DSCAML1: variants seen among roughly 807,000 people sequenced by gnomAD.
DSCAML1 encodes DS cell adhesion molecule like 1.
In DSCAML1, 38 loss-of-function variants were observed where a neutral mutation model predicts 200.5. The ratio of observed to expected loss-of-function variants is 0.19; its 90% CI spans 0.15 to 0.25. The LOEUF is 0.25. Among genes scored for constraint, DSCAML1 ranks in the 10% least tolerant of loss-of-function variants. The probability of loss-of-function intolerance (pLI) is 1.00; values close to 1 mark genes in which losing one functional copy is unlikely to be tolerated. For synonymous variants in DSCAML1, 1,215 were observed against 1,165.0 expected (o/e 1.04, Z -0.87); for missense variants, 2,223 against 2,858.8 (o/e 0.78, Z 5.07).
intron 3 of DSCAML1, among the ~76,000 whole-genome samples, chr11:117,711,029 T>C (rs902766061): frequency 3.9e-5 from 6 of 152,218 alleles, no homozygotes; most frequent in African/African-American, 1.4e-4. Context: ...GCAGTGCCAG[T>C]AACTCAGGCT....
chr11:117,650,412 A>AAATG (rs369113397), intron 3 of DSCAML1, among the ~76,000 whole-genome samples: 5,091 of 152,152 alleles, frequency 0.033, 296 homozygotes, highest in African/African-American at 0.12. Context: ...TTAGTTGAAG[A>AAATG]AATGAATGAA....
At chr11:117,623,802 C>T (rs533086119) in intron 3 of DSCAML1, among the ~76,000 whole-genome samples, 9 of 152,266 alleles carry the variant, frequency 5.9e-5, no homozygotes, top group South Asian at 4.2e-4. Flanking sequence ...TCCCAATAGA[C>T]GAGGTAGCCC....
At chr11:117,536,877 G>C (rs2050181392) in intron 3 of DSCAML1, among the ~76,000 whole-genome samples, 1 of 152,040 alleles carries the variant, frequency 6.6e-6, no homozygotes, top group Non-Finnish European at 1.5e-5. Flanking sequence ...TCTCGAGCAG[G>C]ACTCTACTTT....
intron 3 of DSCAML1, among the ~76,000 whole-genome samples, chr11:117,616,608 C>T (rs2051815743): frequency 6.6e-6 from 1 of 152,202 alleles, no homozygotes; most frequent in Non-Finnish European, 1.5e-5. Context: ...AAAAAGTATA[C>T]TTTGCATAAT....
chr11:117,802,447 G>A (rs1025472958), intron 1 of DSCAML1, among the ~76,000 whole-genome samples: 3 of 152,160 alleles, frequency 2.0e-5, no homozygotes, highest in African/African-American at 4.8e-5. Flanking sequence ...GGTGCCTCCT[G>A]GCTCTAGGGG....
intron 1 of DSCAML1, among the ~76,000 whole-genome samples, chr11:117,813,209 A>G (rs914021109): frequency 6.6e-6 from 1 of 152,220 alleles, no homozygotes; most frequent in Non-Finnish European, 1.5e-5. Flanking sequence ...GAAGTCAGAC[A>G]TGTCCTCAGA....
At chr11:117,811,414 A>G (rs2055759403) in intron 1 of DSCAML1, among the ~76,000 whole-genome samples, 1 of 152,216 alleles carries the variant, frequency 6.6e-6, no homozygotes. Flanking sequence ...TTCAAGGTGT[A>G]CAATAATAAA....
intron 3 of DSCAML1, among the ~76,000 whole-genome samples, chr11:117,752,508 G>A (rs1426913981): frequency 6.6e-6 from 1 of 152,154 alleles, no homozygotes; most frequent in Admixed American, 6.5e-5. Context: ...ACTCCTCCAG[G>A]CCAGTGCACT....
In DSCAML1 at chr11:117,759,946, T is replaced by G. The variant is rs138207571; in HGVS notation, c.511+16845A>C. On this transcript the variant is annotated intron_variant, in intron 3 of 32. Coordinates refer to ENST00000651296, the MANE Select transcript of DSCAML1 (RefSeq NM_020693.4). Reference sequence around the variant, plus strand: ...CACCAAGCCCTGCTCAAGGTGGCCCTGGAAGAGGGGGCAGGAAATAAATAG... The same window carrying G: ...CACCAAGCCCTGCTCAAGGTGGCCCGGGAAGAGGGGGCAGGAAATAAATAG... Among the ~76,000 whole-genome samples the G allele has an allele frequency of 1.7e-3, 263 of 152,260 alleles. 7 individuals are homozygous for G. The East Asian group carries it at 0.041, about 24-fold the overall frequency.
chr11:117,774,268 A>T (rs185164680), intron 3 of DSCAML1, among the ~76,000 whole-genome samples: 1 of 152,296 alleles, frequency 6.6e-6, no homozygotes, highest in East Asian at 1.9e-4. Flanking sequence ...AGATGTGTGG[A>T]TGAGAACAAT....
At chr11:117,726,236 G>A (rs991145126) in intron 3 of DSCAML1, among the ~76,000 whole-genome samples, 19 of 151,016 alleles carry the variant, frequency 1.3e-4, no homozygotes, top group Non-Finnish European at 2.5e-4. Context: ...ATTGAATGAG[G>A]TTGTGTGTGT....
chr11:117,697,187 G>A (rs1270529029), intron 3 of DSCAML1, among the ~76,000 whole-genome samples: 2 of 152,126 alleles, frequency 1.3e-5, no homozygotes, highest in African/African-American at 4.8e-5. Flanking sequence ...ACTTAAATTT[G>A]GCTGACTCTT....
intron 1 of DSCAML1, among the ~76,000 whole-genome samples, chr11:117,814,810 T>C (rs2055789715): frequency 6.6e-6 from 1 of 152,158 alleles, no homozygotes; most frequent in Non-Finnish European, 1.5e-5. Context: ...CTCGTCCCCC[T>C]CCTGCCCCCT....
Position 117,428,283 on chromosome 11 carries a change from CTGCGGCGCGGCGCGGT to C in DSCAML1, c.*29_*44del. Reference sequence around the variant, plus strand: ...AAAACAGCCGAGCTGGCGTGTGGGGCTGCGGCGCGGCGCGGTCCAGGCGTGGCTGCTCTTCCTGCGG... The same window carrying C: ...AAAACAGCCGAGCTGGCGTGTGGGGCCCAGGCGTGGCTGCTCTTCCTGCGG... On this transcript the variant is annotated 3_prime_UTR_variant, in exon 33 of 33. Coordinates refer to ENST00000651296, the MANE Select transcript of DSCAML1 (RefSeq NM_020693.4). 9.1e-7 allele frequency: 1 copy of C among 1,102,584 alleles called. No homozygotes were observed. Among genetic ancestry groups the C allele is most frequent in the Non-Finnish European group, 1.4e-6 (1 of 737,116 alleles). The allele number at this position is 1,102,584 out of a possible 1,614,324, so 68.3% of individuals were successfully genotyped here.
At position 117,467,291 on chromosome 11, in the gene DSCAML1, A is replaced by C. The variant is rs2048603278; in HGVS notation, c.3025-2109T>G. 1.0e-4 allele frequency among the ~76,000 whole-genome samples: 15 copies of C among 147,190 alleles called. No individual in the cohort carries two copies. In the South Asian group the frequency reaches 3.2e-3, roughly 31 times the overall value. On this transcript the variant is annotated intron_variant, in intron 16 of 32. Coordinates refer to ENST00000651296, the MANE Select transcript of DSCAML1 (RefSeq NM_020693.4). Reference sequence around the variant, plus strand: ...AGCAAACATCTTAATCCACACCCCTACTCCCAACCAGATACATTTAGATCC... The same window carrying C: ...AGCAAACATCTTAATCCACACCCCTCCTCCCAACCAGATACATTTAGATCC...
chr11:117,553,441 A>C (rs1307135390), intron 3 of DSCAML1, among the ~76,000 whole-genome samples: 1 of 152,194 alleles, frequency 6.6e-6, no homozygotes, highest in East Asian at 1.9e-4. Context: ...TTCAACAACA[A>C]AACCAAACAA....
chr11:117,798,920 A>G (rs78695074), upstream of DSCAML1, among the ~76,000 whole-genome samples: 877 of 152,094 alleles, frequency 5.8e-3, 5 homozygotes, highest in African/African-American at 0.02. Flanking sequence ...CAAAATCACC[A>G]CCCTGAAACA....
chr11:117,748,955 C>T (rs1291217894), intron 3 of DSCAML1, among the ~76,000 whole-genome samples: 5 of 152,186 alleles, frequency 3.3e-5, no homozygotes, highest in African/African-American at 7.2e-5. Context: ...CAGAGCTTGG[C>T]GGGTAAGGCT....
At chr11:117,600,544 G>A (rs1027043984) in intron 3 of DSCAML1, among the ~76,000 whole-genome samples, 1 of 152,048 alleles carries the variant, frequency 6.6e-6, no homozygotes, top group African/African-American at 2.4e-5. Flanking sequence ...CCATCCCTCC[G>A]CCCACACCAC....
Sources: allele counts gnomAD v4.1 joint callset (sites outside exome capture counted in the v4.1 genomes callset), GRCh38; gene constraint gnomAD v4.1.1; transcripts MANE v1.5; gene names NCBI Gene and HGNC (gene_info 2026-07-23, HGNC 2026-07-21).